Variants in PTGFRN observed in about 807,000 individuals in gnomAD.
The protein encoded by PTGFRN is prostaglandin F2 receptor inhibitor, also known as prostaglandin F2 receptor negative regulator.
PTGFRN carries 35 observed loss-of-function variants against 83.2 expected under a neutral mutation model. The observed-to-expected ratio is 0.42, with a 90% CI of 0.32 to 0.56. The LOEUF is 0.56. Ranked by LOEUF, PTGFRN falls within the 20% of genes least tolerant of loss-of-function variation. The pLI, the probability that PTGFRN is intolerant of heterozygous loss-of-function variation, is 0.11. For missense variants in PTGFRN, 1,051 were observed against 1,179.5 expected (o/e 0.89, Z 1.60); for synonymous variants, 519 against 498.6 (o/e 1.04, Z -0.55).
intron 1 of PTGFRN, among the ~76,000 whole-genome samples, chr1:116,917,952 T>C (rs1268049673): frequency 3.9e-5 from 6 of 152,214 alleles, no homozygotes; most frequent in Admixed American, 3.9e-4. Context: ...TAAAGTTTCC[T>C]CTGTGTCCCT....
At position 116,987,910 on chromosome 1, in the gene PTGFRN, C is replaced by CA. The variant is rs1204334120; in HGVS notation, c.*944dup. ...CTTACGCAGCTGGGGCCAGGAGGGT[C>CA]AGAGTGGTGCCAGGTGCAAGTTAGG... On this transcript the variant is annotated 3_prime_UTR_variant, in exon 9 of 9. Transcript: ENST00000393203. The CA allele has an allele frequency of 6.6e-6, 1 of 152,324 alleles. No individual in the cohort carries two copies. The highest frequency in any genetic ancestry group is 1.5e-5 in the Non-Finnish European group (1 of 68,076). 9.4% of individuals were successfully genotyped at this position (152,324 alleles called of 1,614,324 possible).
intron 8 of PTGFRN, among the ~76,000 whole-genome samples, chr1:116,986,502 A>G (rs1330129591): frequency 1.3e-5 from 2 of 152,190 alleles, no homozygotes; most frequent in Non-Finnish European, 2.9e-5. Context: ...CTGACTTTTA[A>G]AAATCAATCT....
At chr1:116,964,663 C>T (rs1300115388) in intron 5 of PTGFRN, among the ~76,000 whole-genome samples, 1 of 152,146 alleles carries the variant, frequency 6.6e-6, no homozygotes, top group East Asian at 1.9e-4. Flanking sequence ...ACTCCAGACT[C>T]AATATTACAT....
chr1:116,975,474 C>A (rs1651119059), intron 7 of PTGFRN, among the ~76,000 whole-genome samples: 1 of 152,202 alleles, frequency 6.6e-6, no homozygotes, highest in African/African-American at 2.4e-5. Flanking sequence ...AGGAACCCCC[C>A]AGTAGGGGCA....
chr1:116,934,093 T>C (rs1430687455), intron 1 of PTGFRN, among the ~76,000 whole-genome samples: 1 of 152,198 alleles, frequency 6.6e-6, no homozygotes, highest in Non-Finnish European at 1.5e-5. Flanking sequence ...TACCCTGGGC[T>C]TCAGTTTGGA....
chr1:116,922,968 G>A (rs967653482), intron 1 of PTGFRN, among the ~76,000 whole-genome samples: 18 of 152,206 alleles, frequency 1.2e-4, no homozygotes, highest in Non-Finnish European at 2.2e-4. Context: ...AGTGAAATGA[G>A]GACATGTTGG....
In PTGFRN at chr1:116,988,733, C is replaced by T. The variant is rs1651601181; in HGVS notation, c.*1766C>T. 1 of 152,948 alleles carries T rather than the reference C, an allele frequency of 6.5e-6. No individual in the cohort carries two copies. The highest frequency in any genetic ancestry group is 2.1e-4 in the South Asian group (1 of 4,822). The allele number at this position is 152,948 out of a possible 1,614,324, so 9.5% of individuals were successfully genotyped here. A position where few individuals can be genotyped will look rare whatever the true frequency, so the allele number is the denominator to read the frequency against. ...CGAGTCGCCCCTGGAAGCAGATTCC[C>T]ATTGAGTTTTCCCCACCAAGGGGAC... On this transcript the variant is annotated 3_prime_UTR_variant, in exon 9 of 9. Coordinates refer to ENST00000393203, the MANE Select transcript of PTGFRN (RefSeq NM_020440.4).
intron 7 of PTGFRN, among the ~76,000 whole-genome samples, chr1:116,981,616 C>T (rs1043130678): frequency 9.2e-5 from 14 of 152,226 alleles, no homozygotes; most frequent in African/African-American, 2.7e-4. Context: ...TCCTGCAGGA[C>T]TCCCAGTTGA....
chr1:116,915,926 G>A (rs1038342023), intron 1 of PTGFRN, among the ~76,000 whole-genome samples: 1 of 152,234 alleles, frequency 6.6e-6, no homozygotes, highest in African/African-American at 2.4e-5. Context: ...AAAAGGTGAA[G>A]TGCTGCAGTT....
intron 3 of PTGFRN, among the ~76,000 whole-genome samples, chr1:116,948,366 C>T (rs149083576): frequency 3.9e-5 from 6 of 152,214 alleles, no homozygotes; most frequent in African/African-American, 1.4e-4. Context: ...ATATAGTCTA[C>T]TTTTAATTAT....
At chr1:116,984,562 C>A in intron 7 of PTGFRN, 118 bp from the exon 8 acceptor site, 1 of 925,174 alleles carries the variant, frequency 1.1e-6, no homozygotes, top group Non-Finnish European at 1.6e-6. Flanking sequence ...CCAGTGAGAC[C>A]GAAGGCATGT....
At chr1:116,922,189 A>T (rs1221248648) in intron 1 of PTGFRN, among the ~76,000 whole-genome samples, 1 of 152,188 alleles carries the variant, frequency 6.6e-6, no homozygotes, top group Non-Finnish European at 1.5e-5. Flanking sequence ...GCTTACAGGA[A>T]GCCAGCCTGC....
In PTGFRN at chr1:116,926,147, G is replaced by C. The variant is rs555997258; in HGVS notation, c.50-15568G>C. Among the ~76,000 whole-genome samples, 7 of 152,364 alleles carry C rather than the reference G, an allele frequency of 4.6e-5. No individual in the cohort carries two copies. The South Asian group carries it at 1.4e-3, about 32-fold the overall frequency. ...GATCTAGGGAACAGTCAAATAACGG[G>C]AGAGAGGACAGAGCTGCCCAAGGAA... On this transcript the variant is annotated intron_variant, in intron 1 of 8. Transcript: ENST00000393203.
intron 3 of PTGFRN, among the ~76,000 whole-genome samples, chr1:116,947,842 A>G (rs902583104): frequency 2.0e-5 from 3 of 152,214 alleles, no homozygotes; most frequent in Non-Finnish European, 2.9e-5. Context: ...GCCCTTTTAA[A>G]GAGATGATCG....
At chr1:116,982,857 C>T (rs1303162291) in intron 7 of PTGFRN, among the ~76,000 whole-genome samples, 7 of 152,142 alleles carry the variant, frequency 4.6e-5, no homozygotes, top group African/African-American at 7.2e-5. Flanking sequence ...AGCCTAAGCC[C>T]GGCCTCTGGA....
chr1:116,954,275 G>T (rs764027259), intron 4 of PTGFRN, among the ~76,000 whole-genome samples: 6 of 152,042 alleles, frequency 3.9e-5, no homozygotes, highest in Admixed American at 2.6e-4. Flanking sequence ...CCACAGTAAG[G>T]TAATGAGTCT....
At position 116,944,896 on chromosome 1, in the gene PTGFRN, G is replaced by A. The variant is rs371381104; in HGVS notation, c.636G>A (p.Glu212=). ...GGTTCCACCCGGGCCTGGGGTACGA[G>A]CAGCGCTACCACAGTGGGGACGTGC... ...EGRFHPGLGY[E]QRYHSGDVRL... The change falls in exon 3 of 9, where the codon GAG becomes GAA. Residue 212 remains glutamate (E), a synonymous_variant. Coordinates refer to ENST00000393203, the MANE Select transcript of PTGFRN (RefSeq NM_020440.4). 8.1e-6 allele frequency: 13 copies of A among 1,611,578 alleles called. No homozygotes were observed. The highest frequency in any genetic ancestry group is 1.1e-5 in the Non-Finnish European group (13 of 1,179,734).
chr1:116,951,217 G>T (rs1480922422), intron 4 of PTGFRN, among the ~76,000 whole-genome samples: 1 of 152,246 alleles, frequency 6.6e-6, no homozygotes, highest in Non-Finnish European at 1.5e-5. Context: ...TGCAGGGACT[G>T]TCAGACAACA....
At chr1:116,947,888 T>TAG (rs1650241501) in intron 3 of PTGFRN, among the ~76,000 whole-genome samples, 1 of 152,168 alleles carries the variant, frequency 6.6e-6, no homozygotes, top group Non-Finnish European at 1.5e-5. Flanking sequence ...GAAGGAGAAA[T>TAG]TGAACTTTTA....
Sources: gnomAD v4.1 joint callset for allele counts (sites outside exome capture counted in the v4.1 genomes callset) on GRCh38, gnomAD v4.1.1 for gene constraint, MANE v1.5 for transcripts, NCBI Gene and HGNC (gene_info 2026-07-23, HGNC 2026-07-21) for gene names.